RBM6: variants seen among roughly 807,000 people sequenced by gnomAD.
The protein encoded by RBM6 is RNA binding motif protein 6.
RBM6 carries 23 observed loss-of-function variants against 140.4 expected under a neutral mutation model. The observed-to-expected ratio is 0.16, with a 90% CI of 0.12 to 0.23. The LOEUF (loss-of-function observed/expected upper bound fraction) is 0.23. RBM6 is among the 10% of genes least tolerant of loss of function. RBM6 has a pLI of 1.00. For missense variants in RBM6, 1,139 were observed against 1,386.7 expected (o/e 0.82, Z 2.84); for synonymous variants, 439 against 475.6 (o/e 0.92, Z 1.00).
chr3:49,974,464 C>T (rs1321989920), intron 4 of RBM6, among the ~76,000 whole-genome samples: 4 of 150,742 alleles, frequency 2.7e-5, no homozygotes, highest in Admixed American at 1.3e-4. Context: ...CTCCTTCTCC[C>T]GGGTTCACGC....
chr3:50,071,059 G>A (rs1203234441), intron 19 of RBM6, among the ~76,000 whole-genome samples: 2 of 152,150 alleles, frequency 1.3e-5, no homozygotes. Flanking sequence ...ATACTCAGGT[G>A]GACAAGACAT....
At chr3:50,055,639 C>G (rs2089668146) in intron 8 of RBM6, among the ~76,000 whole-genome samples, 1 of 152,122 alleles carries the variant, frequency 6.6e-6, no homozygotes, top group Non-Finnish European at 1.5e-5. Context: ...GTCTGTGTGG[C>G]AAACCTTTCT....
intron 4 of RBM6, among the ~76,000 whole-genome samples, chr3:49,974,520 C>T (rs780853930): frequency 2.0e-4 from 29 of 147,660 alleles, no homozygotes; most frequent in East Asian, 1.5e-3. Context: ...TACAGGTGCC[C>T]GCCACCACGC....
rs759655820 is a variant in RBM6 at position 50,057,809 on chromosome 3, A to G, written c.1775A>G (p.Asn592Ser). 8.1e-6 allele frequency: 13 copies of G among 1,613,832 alleles called. No homozygotes were observed. Among genetic ancestry groups the G allele is most frequent in the Admixed American group, 1.7e-5 (1 of 59,968 alleles). Reference sequence around the variant, plus strand: ...CCAGCACCATTGGAAAAACAGCCCAACCAGCCCCTAAGACCAGCTGATAAG... The same window carrying G: ...CCAGCACCATTGGAAAAACAGCCCAGCCAGCCCCTAAGACCAGCTGATAAG... ...SIPAPLEKQP[N>S]QPLRPADKEP... Residue 592 changes from asparagine to serine, a missense_variant, in exon 9 of 21, where the codon AAC becomes AGC. This residue lies in a region of RBM6 where 109 missense variants were observed against 101.9 expected (regional missense o/e 1.07). Transcript: ENST00000266022.
intron 19 of RBM6, among the ~76,000 whole-genome samples, chr3:50,073,401 G>A (rs1277836041): frequency 6.6e-6 from 1 of 152,152 alleles, no homozygotes; most frequent in African/African-American, 2.4e-5. Context: ...AAAAGAGGGG[G>A]TTGGGAGAAA....
intron 6 of RBM6, among the ~76,000 whole-genome samples, chr3:50,047,709 TC>T (rs1473840586): frequency 4.6e-5 from 7 of 152,192 alleles, no homozygotes; most frequent in African/African-American, 1.7e-4. Context: ...CCTCCTTTCT[TC>T]CTGTCTTCAA....
chr3:50,075,447 A>G, intron 20 of RBM6, 117 bp downstream of exon 20: 1 of 1,354,532 alleles, frequency 7.4e-7, no homozygotes, highest in East Asian at 2.3e-5. Context: ...CTGCTGGGAT[A>G]GGACATGAGA....
At chr3:49,960,366 T>C (rs1431495476) in intron 1 of RBM6, among the ~76,000 whole-genome samples, 5 of 152,198 alleles carry the variant, frequency 3.3e-5, no homozygotes, top group African/African-American at 1.2e-4. Flanking sequence ...TTGACTCTTT[T>C]CTAAAACTGT....
In RBM6 at chr3:50,015,494, G is replaced by T. The variant is rs1345532110; in HGVS notation, c.1557+15981G>T. Among the ~76,000 whole-genome samples the T allele has an allele frequency of 7.3e-5, 11 of 150,194 alleles. No individual in the cohort carries two copies. The East Asian group carries it at 1.8e-3, about 24-fold the overall frequency. ...TGCCCAGGCTGGAGTGCAGTGGCGCGATCTCGGATCACTGCAAGCTCCGCC... is the reference window on the plus strand; with the variant it reads ...TGCCCAGGCTGGAGTGCAGTGGCGCTATCTCGGATCACTGCAAGCTCCGCC... On this transcript the variant is annotated intron_variant, in intron 6 of 20. Transcript: ENST00000266022.
At chr3:49,989,606 A>G (rs2085725482) in intron 5 of RBM6, among the ~76,000 whole-genome samples, 1 of 152,106 alleles carries the variant, frequency 6.6e-6, no homozygotes, top group African/African-American at 2.4e-5. Context: ...TAATAATAAT[A>G]TTTGTGTAAG....
chr3:50,066,448 G>A lies in RBM6; in HGVS notation c.2889G>A (p.Gln963=), dbSNP rs1188385560. The A allele has an allele frequency of 3.1e-6, 5 of 1,613,824 alleles. No homozygotes were observed. In the East Asian group the frequency reaches 6.7e-5, roughly 22 times the overall value. Residue 963 remains glutamine (Q), a synonymous_variant, in exon 17 of 21, where the codon CAG becomes CAA. Coordinates refer to ENST00000266022, the MANE Select transcript of RBM6 (RefSeq NM_005777.3). ...TGGCTTGTCTGCTTTGCAGAAGGCA[G>A]TTTCCCAATAAAGAAGTTCTGATCA... ...NKLACLLCRR[Q]FPNKEVLIKH...
chr3:49,972,202 C>T, intron 4 of RBM6, 54 bp downstream of exon 4: 1 of 1,392,824 alleles, frequency 7.2e-7, no homozygotes, highest in African/African-American at 1.5e-5. Context: ...TTAAAAAAAC[C>T]TTTTAATTTG....
intron 6 of RBM6, among the ~76,000 whole-genome samples, chr3:50,038,050 G>A (rs1476635273): frequency 6.6e-6 from 1 of 152,000 alleles, no homozygotes; most frequent in Non-Finnish European, 1.5e-5. Context: ...TTGAACTCCT[G>A]ACCTCAGGTG....
Position 50,054,244 on chromosome 3 carries a change from T to TA in RBM6, c.1633-91_1633-90insA. The TA allele has an allele frequency of 5.7e-6, 6 of 1,055,318 alleles. No homozygotes were observed. In the Admixed American group the frequency reaches 1.1e-4, roughly 19 times the overall value. 65.4% of individuals were successfully genotyped at this position (1,055,318 alleles called of 1,614,324 possible). ...TGAGGGGATCTGGGATATGGCTTGT[T>TA]TCTTTCATTTTTGGGGGGTTTCACT... On this transcript the variant is annotated intron_variant, in intron 7 of 20. Transcript: ENST00000266022.
intron 16 of RBM6, 39 bp downstream of exon 16, chr3:50,065,165 C>A (rs765045983): frequency 2.1e-5 from 32 of 1,506,678 alleles, no homozygotes; most frequent in Non-Finnish European, 2.8e-5. Flanking sequence ...AGGGCTGGGG[C>A]TGGGGATGGT....
At chr3:50,022,471 T>G (rs1446750514) in intron 6 of RBM6, among the ~76,000 whole-genome samples, 1 of 151,972 alleles carries the variant, frequency 6.6e-6, no homozygotes, top group Non-Finnish European at 1.5e-5. Context: ...GCTGGGATTA[T>G]AGGCTCATGT....
At chr3:50,008,025 G>A (rs938393751) in intron 6 of RBM6, among the ~76,000 whole-genome samples, 3 of 152,156 alleles carry the variant, frequency 2.0e-5, no homozygotes, top group African/African-American at 7.2e-5. Context: ...GTGCCCAGGA[G>A]TTCAAGGTTG....
intron 6 of RBM6, among the ~76,000 whole-genome samples, chr3:50,032,568 C>T (rs1405250017): frequency 6.6e-6 from 1 of 151,536 alleles, no homozygotes; most frequent in East Asian, 1.9e-4. Context: ...CTCTTAATTT[C>T]CCAGAATGAG....
intron 3 of RBM6, among the ~76,000 whole-genome samples, chr3:49,969,465 G>GTATATATATATATGAATATA (rs1553640660): frequency 6.9e-6 from 1 of 144,596 alleles, no homozygotes; most frequent in Non-Finnish European, 1.5e-5. Context: ...GTGTGTGTGT[G>GTATATATATATATGAATATA]TATATATATA....
Sources: gnomAD v4.1 joint callset for allele counts (sites outside exome capture counted in the v4.1 genomes callset) on GRCh38, gnomAD v4.1.1 for gene constraint, gnomAD v4.1.1 regional missense constraint, MANE v1.5 for transcripts, NCBI Gene and HGNC (gene_info 2026-07-23, HGNC 2026-07-21) for gene names.